GPM6A: variants seen among roughly 807,000 people sequenced by gnomAD.
GPM6A encodes neuronal membrane glycoprotein M6-a.
GPM6A carries 7 observed loss-of-function variants against 32.1 expected under a neutral mutation model. The observed-to-expected ratio is 0.22, with a 90% CI of 0.12 to 0.41. The LOEUF is 0.41. GPM6A is among the 10% of genes least tolerant of loss of function. The pLI is 1.00. For synonymous variants in GPM6A, 130 were observed against 123.4 expected, an observed-to-expected ratio of 1.05 and a Z score of -0.35; for missense variants, 235 against 347.2, an observed-to-expected ratio of 0.68 and a Z score of 2.57.
chr4:176,002,172 G>T, intron 1 of GPM6A: 1 of 960,108 alleles, frequency 1.0e-6, no homozygotes, highest in Non-Finnish European at 1.6e-6. Context: ...GGCGGGGGGC[G>T]GGGGACGCCA....
intron 3 of GPM6A, among the ~76,000 whole-genome samples, chr4:175,665,616 TC>T (rs1462491004): frequency 4.6e-5 from 7 of 151,822 alleles, no homozygotes; most frequent in African/African-American, 1.7e-4. Flanking sequence ...AAAACCTATG[TC>T]TACCAAAAAC....
intron 1 of GPM6A, among the ~76,000 whole-genome samples, chr4:175,878,261 C>T (rs1414384853): frequency 2.6e-5 from 4 of 152,160 alleles, no homozygotes; most frequent in South Asian, 2.1e-4. Flanking sequence ...GATAGTGGCC[C>T]TCTTCTCACA....
At chr4:175,642,689 C>T (rs1408677544) in intron 4 of GPM6A, among the ~76,000 whole-genome samples, 1 of 152,048 alleles carries the variant, frequency 6.6e-6, no homozygotes, top group Non-Finnish European at 1.5e-5. Context: ...CTCCTCTTCT[C>T]TCTGACCTCT....
intron 1 of GPM6A, among the ~76,000 whole-genome samples, chr4:175,852,150 C>G (rs1161944025): frequency 6.6e-6 from 1 of 152,018 alleles, no homozygotes; most frequent in Non-Finnish European, 1.5e-5. Context: ...AAAGTGAAAT[C>G]TTTTCATTTT....
intron 1 of GPM6A, among the ~76,000 whole-genome samples, chr4:175,796,191 C>T (rs1432717023): frequency 6.6e-6 from 1 of 152,134 alleles, no homozygotes. Context: ...GAATGGCTAG[C>T]AACTAGTCAC....
rs1740685726 is a variant in GPM6A at position 175,977,103 on chromosome 4, C to G, written c.-23+25206G>C. On this transcript the variant is annotated intron_variant, in intron 1 of 7. Transcript: ENST00000280187. The stretch of plus-strand genomic sequence containing the variant: ...TTAAATAAATAATTAATAGGCAAAT[C>G]AAAGAAATAGAAGAGTGTGAACAAC... Among the ~76,000 whole-genome samples the G allele has an allele frequency of 2.6e-5, 4 of 152,026 alleles. No homozygotes were observed. The South Asian group carries it at 8.3e-4, about 32-fold the overall frequency.
intron 1 of GPM6A, among the ~76,000 whole-genome samples, chr4:175,808,133 G>T (rs1017248996): frequency 6.6e-6 from 1 of 152,034 alleles, no homozygotes; most frequent in Admixed American, 6.6e-5. Flanking sequence ...GATGATGTCT[G>T]CTTAAGGAAA....
Position 175,633,560 on chromosome 4 carries a change from CA to C in GPM6A, c.*1344del, listed in dbSNP as rs939608385. 1.3e-4 allele frequency: 20 copies of C among 152,560 alleles called. 1 individual carries two copies. The highest frequency in any genetic ancestry group is 4.8e-4 in the African/African-American group (20 of 41,536). The allele number at this position is 152,560 out of a possible 1,614,324, so 9.5% of individuals were successfully genotyped here. A position where few individuals can be genotyped will look rare whatever the true frequency, so the allele number is the denominator to read the frequency against. On this transcript the variant is annotated 3_prime_UTR_variant, in exon 7 of 7. Coordinates refer to ENST00000393658, the MANE Select transcript of GPM6A (RefSeq NM_201591.3). ...TTATACACTGAAAAAAATGTCTTGT[CA>C]GGCTACATCATTTTAGAAGACACTT...
At chr4:175,972,310 C>A (rs1740529126) in intron 1 of GPM6A, among the ~76,000 whole-genome samples, 1 of 152,074 alleles carries the variant, frequency 6.6e-6, no homozygotes, top group South Asian at 2.1e-4. Flanking sequence ...TTATTTTGCT[C>A]AAAAGATTTT....
chr4:175,845,841 T>TA (rs35724746), intron 1 of GPM6A, among the ~76,000 whole-genome samples: 1 of 152,052 alleles, frequency 6.6e-6, no homozygotes, highest in East Asian at 1.9e-4. Context: ...ATTCCCATGC[T>TA]AAAAAACCTT....
chr4:175,969,090 T>A (rs1319284149), intron 1 of GPM6A, among the ~76,000 whole-genome samples: 1 of 152,152 alleles, frequency 6.6e-6, no homozygotes, highest in Non-Finnish European at 1.5e-5. Flanking sequence ...TAAAAAGTAA[T>A]GAGCTATCAA....
At chr4:175,791,780 G>GAC (rs1734023380) in intron 1 of GPM6A, among the ~76,000 whole-genome samples, 1 of 151,112 alleles carries the variant, frequency 6.6e-6, no homozygotes, top group Admixed American at 6.6e-5. Flanking sequence ...CGCACACACA[G>GAC]ACACACACTT....
At chr4:175,784,686 A>G (rs1733731798) in intron 1 of GPM6A, among the ~76,000 whole-genome samples, 1 of 152,164 alleles carries the variant, frequency 6.6e-6, no homozygotes, top group South Asian at 2.1e-4. Context: ...CAATATCATC[A>G]TTAGCATCAT....
intron 1 of GPM6A, among the ~76,000 whole-genome samples, chr4:175,724,147 A>T (rs1746282509): frequency 6.6e-6 from 1 of 152,240 alleles, no homozygotes; most frequent in African/African-American, 2.4e-5. Flanking sequence ...AAATTCTGTC[A>T]TTTGCAACGA....
chr4:175,654,453 C>G (rs934353622), intron 3 of GPM6A: 4 of 152,104 alleles, frequency 2.6e-5, no homozygotes, highest in African/African-American at 9.7e-5. Flanking sequence ...ACATAAGAAG[C>G]TCTGACAAAA....
chr4:175,858,607 T>C (rs1484135300), intron 1 of GPM6A, among the ~76,000 whole-genome samples: 1 of 151,600 alleles, frequency 6.6e-6, no homozygotes, highest in African/African-American at 2.4e-5. Context: ...AAGTGGAACT[T>C]TCAAACACTG....
chr4:175,649,298 T>C (rs1741646682), intron 4 of GPM6A, among the ~76,000 whole-genome samples: 1 of 152,230 alleles, frequency 6.6e-6, no homozygotes, highest in Non-Finnish European at 1.5e-5. Flanking sequence ...TAAGCCTTAA[T>C]ACTTTCAGTG....
chr4:175,910,350 A>G (rs1180079194), intron 1 of GPM6A, among the ~76,000 whole-genome samples: 1 of 152,144 alleles, frequency 6.6e-6, no homozygotes, highest in African/African-American at 2.4e-5. Context: ...GTAATAATAA[A>G]AGCTTTGAAC....
intron 1 of GPM6A, among the ~76,000 whole-genome samples, chr4:175,720,535 CA>C (rs1319177125): frequency 6.6e-6 from 1 of 152,176 alleles, no homozygotes; most frequent in Non-Finnish European, 1.5e-5. Flanking sequence ...CTGTGGGCCA[CA>C]TGAGATTAAT....
Sources: allele counts gnomAD v4.1 joint callset (sites outside exome capture counted in the v4.1 genomes callset), GRCh38; gene constraint gnomAD v4.1.1; transcripts MANE v1.5; gene names NCBI Gene and HGNC (gene_info 2026-07-23, HGNC 2026-07-21).